The following KCNK10 variants were observed in gnomAD, a reference collection of about 807,000 sequenced individuals.
KCNK10 encodes potassium channel subfamily K member 10.
KCNK10 carries 25 observed loss-of-function variants against 47.7 expected under a neutral mutation model. The ratio of observed to expected loss-of-function variants is 0.52; its 90% CI spans 0.38 to 0.73. KCNK10 has a LOEUF of 0.73. KCNK10 is among the 30% of genes least tolerant of loss of function. KCNK10 has a pLI of 0.00. For missense variants in KCNK10, 563 were observed against 714.5 expected (o/e 0.79, Z 2.42); for synonymous variants, 303 against 285.6 (o/e 1.06, Z -0.61).
intron 1 of KCNK10, among the ~76,000 whole-genome samples, chr14:88,312,217 C>A (rs1346131469): frequency 2.0e-5 from 3 of 152,130 alleles, no homozygotes; most frequent in African/African-American, 7.2e-5. Context: ...ATAAGCCAGG[C>A]ATGTAATGTT....
At chr14:88,229,475 GTAT>G (rs33913726) in intron 3 of KCNK10, among the ~76,000 whole-genome samples, 43,683 of 151,244 alleles carry the variant, frequency 0.29, 6,919 homozygotes, top group East Asian at 0.47. Flanking sequence ...CCAATGCAAA[GTAT>G]TATTATTATT....
intron 3 of KCNK10, among the ~76,000 whole-genome samples, chr14:88,234,084 T>C (rs1245664057): frequency 2.6e-5 from 4 of 152,220 alleles, no homozygotes; most frequent in Non-Finnish European, 5.9e-5. Context: ...TTGGTCTTCT[T>C]GGATCCACTA....
At chr14:88,218,940 T>C (rs1383370311) in intron 4 of KCNK10, among the ~76,000 whole-genome samples, 1 of 152,224 alleles carries the variant, frequency 6.6e-6, no homozygotes, top group African/African-American at 2.4e-5. Context: ...TATGGTATAC[T>C]AAAATATTCT....
At position 88,186,076 on chromosome 14, in the gene KCNK10, C is replaced by T; in HGVS notation, c.1091G>A (p.Ser364Asn). The T allele has an allele frequency of 6.2e-7, 1 of 1,612,290 alleles. No individual in the cohort carries two copies. Among genetic ancestry groups the T allele is most frequent in the Non-Finnish European group, 8.5e-7 (1 of 1,179,864 alleles). Residue 364 changes from serine (S) to asparagine (N), a missense_variant, in exon 7 of 7, where the codon AGC (serine) becomes AAC (asparagine). Coordinates refer to ENST00000319231, the MANE Select transcript of KCNK10 (RefSeq NM_138317.3). This position sits in a 1 kb window ranked among gnomAD's most constrained non-coding sequence, Gnocchi z 5.5. ...AEFRETRRRL[S>N]VEIHDKLQRA... ...CTGCAGCTTATCGTGGATCTCCACGCTGAGCCTTCGCCGTGTCTCCCGGAA... is the reference window on the plus strand; with the variant it reads ...CTGCAGCTTATCGTGGATCTCCACGTTGAGCCTTCGCCGTGTCTCCCGGAA...
chr14:88,310,205 G>GGTATGC (rs373525982), intron 1 of KCNK10, among the ~76,000 whole-genome samples: 1 of 42,340 alleles, frequency 2.4e-5, no homozygotes, highest in Non-Finnish European at 6.1e-5. Flanking sequence ...TATGGTATAT[G>GGTATGC]ATATACCATA....
Position 88,270,750 on chromosome 14 carries a change from G to A in KCNK10, c.53-7199C>T, listed in dbSNP as rs200578491. 2.1e-4 allele frequency: 163 copies of A among 780,970 alleles called. 1 individual carries two copies. Among genetic ancestry groups the A allele is most frequent in the Non-Finnish European group, 3.3e-4 (138 of 418,122 alleles). The allele number at this position is 780,970 out of a possible 1,614,324, so 48.4% of individuals were successfully genotyped here. On this transcript the variant is annotated intron_variant, in intron 1 of 6. Coordinates refer to ENST00000319231, the MANE Select transcript of KCNK10 (RefSeq NM_138317.3). Reference sequence around the variant, plus strand: ...CATCTTCTCTCACCTGAATCACTGCGACAGCCTTCAGTCCTGTCCCCCTTA... The same window carrying A: ...CATCTTCTCTCACCTGAATCACTGCAACAGCCTTCAGTCCTGTCCCCCTTA...
At chr14:88,290,758 A>G (rs1290833757) in intron 1 of KCNK10, among the ~76,000 whole-genome samples, 1 of 152,242 alleles carries the variant, frequency 6.6e-6, no homozygotes, top group African/African-American at 2.4e-5. Flanking sequence ...ATGTCCCTAT[A>G]AGGTACAAAG....
At chr14:88,270,613 C>G (rs1014968604) in intron 1 of KCNK10, 3 of 744,760 alleles carry the variant, frequency 4.0e-6, no homozygotes, top group African/African-American at 3.4e-5. Flanking sequence ...GACTGAGACC[C>G]TATGGAGCCA....
intron 1 of KCNK10, among the ~76,000 whole-genome samples, chr14:88,311,647 C>T (rs1253162688): frequency 1.3e-5 from 2 of 152,240 alleles, no homozygotes; most frequent in Admixed American, 1.3e-4. Context: ...ATGTATACTA[C>T]AGGACTTAGG....
At chr14:88,278,090 T>G (rs555305367) in intron 1 of KCNK10, among the ~76,000 whole-genome samples, 1 of 152,238 alleles carries the variant, frequency 6.6e-6, no homozygotes, top group African/African-American at 2.4e-5. Flanking sequence ...TGTCCAGGAA[T>G]GGATGAGTTG....
intron 4 of KCNK10, among the ~76,000 whole-genome samples, chr14:88,204,166 C>A (rs140387567): frequency 6.6e-6 from 1 of 151,932 alleles, no homozygotes; most frequent in East Asian, 1.9e-4. Context: ...TAGGAGAGAG[C>A]GAGAGGGAGA....
At chr14:88,292,571 G>A (rs1422073209) in intron 1 of KCNK10, among the ~76,000 whole-genome samples, 1 of 152,128 alleles carries the variant, frequency 6.6e-6, no homozygotes, top group African/African-American at 2.4e-5. Context: ...GGCAGGTCTT[G>A]AACTGCCGAC....
Position 88,180,887 on chromosome 14 carries a change from C to T in KCNK10, c.*4648G>A, listed in dbSNP as rs973080688. 2.5e-6 allele frequency: 1 copy of T among 398,732 alleles called. No individual in the cohort carries two copies. The highest frequency in any genetic ancestry group is 4.4e-6 in the Non-Finnish European group (1 of 226,028). The allele number at this position is 398,732 out of a possible 1,614,324, so 24.7% of individuals were successfully genotyped here. A position where few individuals can be genotyped will look rare whatever the true frequency, so the allele number is the denominator to read the frequency against. Reference sequence around the variant, plus strand: ...CCCTATGCAGAATTAACAGCATCCACAATGCCACACTAAAGTGATCTTTGT... The same window carrying T: ...CCCTATGCAGAATTAACAGCATCCATAATGCCACACTAAAGTGATCTTTGT... On this transcript the variant is annotated 3_prime_UTR_variant, in exon 7 of 7. Coordinates refer to ENST00000319231, the MANE Select transcript of KCNK10 (RefSeq NM_138317.3).
intron 2 of KCNK10, among the ~76,000 whole-genome samples, chr14:88,249,142 T>C (rs1418336039): frequency 6.6e-6 from 1 of 152,246 alleles, no homozygotes; most frequent in African/African-American, 2.4e-5. Flanking sequence ...TCATAATTTG[T>C]ATGTCTCATC....
intron 1 of KCNK10, among the ~76,000 whole-genome samples, chr14:88,278,048 G>A (rs1056057104): frequency 9.2e-5 from 14 of 152,254 alleles, no homozygotes; most frequent in Middle Eastern, 3.4e-3. Context: ...TTCAGGCATC[G>A]GAGGCACCAA....
intron 4 of KCNK10, among the ~76,000 whole-genome samples, chr14:88,220,978 A>T (rs1025557761): frequency 6.6e-6 from 1 of 151,890 alleles, no homozygotes; most frequent in Non-Finnish European, 1.5e-5. Context: ...AATGCAAAGG[A>T]TATACTTGAT....
At chr14:88,246,024 T>C (rs1029584790) in intron 2 of KCNK10, among the ~76,000 whole-genome samples, 1 of 152,100 alleles carries the variant, frequency 6.6e-6, no homozygotes, top group African/African-American at 2.4e-5. Flanking sequence ...TAGCCAGGGA[T>C]TGAGGCAGGA....
intron 1 of KCNK10, among the ~76,000 whole-genome samples, chr14:88,311,909 G>T (rs891110145): frequency 2.6e-5 from 4 of 152,064 alleles, no homozygotes; most frequent in African/African-American, 9.7e-5. Flanking sequence ...CAGAAGGGGG[G>T]CACAGTGGCG....
At chr14:88,309,929 TCA>T (rs1207826203) in intron 1 of KCNK10, among the ~76,000 whole-genome samples, 1 of 151,930 alleles carries the variant, frequency 6.6e-6, no homozygotes, top group East Asian at 2.0e-4. Flanking sequence ...TCCAGAGCTC[TCA>T]GTCTGCTCCC....
Sources: allele counts gnomAD v4.1 joint callset (sites outside exome capture counted in the v4.1 genomes callset), GRCh38; gene constraint gnomAD v4.1.1; non-coding constraint Gnocchi (gnomAD v3.1); transcripts MANE v1.5; gene names NCBI Gene and HGNC (gene_info 2026-07-23, HGNC 2026-07-21).